CSMD2: variants seen among roughly 807,000 people sequenced by gnomAD.
CSMD2 encodes the protein CUB and Sushi multiple domains 2.
Under a neutral mutation model 398.5 loss-of-function variants are expected in CSMD2, and 130 were observed. The observed-to-expected ratio is 0.33, with a 90% CI of 0.28 to 0.38. The LOEUF (loss-of-function observed/expected upper bound fraction) is 0.38. CSMD2 is among the 10% of genes least tolerant of loss of function. The pLI is 1.00. For synonymous variants in CSMD2, 1,828 were observed against 1,908.5 expected, an observed-to-expected ratio of 0.96 and a Z score of 1.10; for missense variants, 3,829 against 4,764.9, an observed-to-expected ratio of 0.80 and a Z score of 5.78.
chr1:33,886,954 G>A (rs78843453), intron 5 of CSMD2, among the ~76,000 whole-genome samples: 8,967 of 152,050 alleles, frequency 0.059, 314 homozygotes, highest in Middle Eastern at 0.13. Flanking sequence ...ATTTTACAGA[G>A]GGGGACACTG....
chr1:33,574,862 A>C (rs1053776974), intron 49 of CSMD2, among the ~76,000 whole-genome samples: 3 of 152,210 alleles, frequency 2.0e-5, no homozygotes, highest in African/African-American at 7.2e-5. Flanking sequence ...ATATTACATC[A>C]ACTACCTGCC....
chr1:34,061,528 C>G (rs1654508398), intron 2 of CSMD2, among the ~76,000 whole-genome samples: 1 of 139,632 alleles, frequency 7.2e-6, no homozygotes, highest in Non-Finnish European at 1.5e-5. Context: ...GGCTCAACTA[C>G]CTGACTCATG....
chr1:33,716,490 T>C lies in CSMD2; in HGVS notation c.3013A>G (p.Thr1005Ala). The C allele has an allele frequency of 2.5e-6, 4 of 1,612,254 alleles. No individual in the cohort carries two copies. The highest frequency in any genetic ancestry group is 3.3e-5 in the Admixed American group (2 of 59,882). Residue 1005 changes from threonine (T) to alanine (A), a missense_variant, in exon 20 of 71, where the codon ACT becomes GCT. Thr to Ala is a moderately conservative substitution (Grantham distance 58). This residue lies in a region of CSMD2 where 2,001 missense variants were observed against 2,567.1 expected (regional missense o/e 0.78). Coordinates refer to ENST00000373381, the MANE Select transcript of CSMD2 (RefSeq NM_001281956.2). ...CTTTCCAGGTGGAAGGTGTGGAAAG[T>C]GAAGAACACACCTGCCAAGAGACCA... The part of the protein sequence containing the change: ...ETSHGKGVFF[T>A]FHTFHLESGH...
At chr1:34,026,692 A>C (rs576893865) in intron 3 of CSMD2, among the ~76,000 whole-genome samples, 1 of 152,342 alleles carries the variant, frequency 6.6e-6, no homozygotes, top group East Asian at 1.9e-4. Flanking sequence ...ATCAGTCTGG[A>C]ATAATCGGAA....
intron 1 of CSMD2, among the ~76,000 whole-genome samples, chr1:34,122,033 A>G (rs1201788113): frequency 7.1e-6 from 1 of 141,322 alleles, no homozygotes; most frequent in Non-Finnish European, 1.5e-5. Context: ...TCCACTTTTC[A>G]TCTCTCTTTC....
At chr1:33,689,556 A>T (rs564272249) in intron 25 of CSMD2, among the ~76,000 whole-genome samples, 7 of 152,214 alleles carry the variant, frequency 4.6e-5, no homozygotes, top group African/African-American at 1.7e-4. Flanking sequence ...CACCATTCTC[A>T]TCAGTGAAAA....
At chr1:33,828,348 C>T (rs958236362) in intron 6 of CSMD2, among the ~76,000 whole-genome samples, 1 of 152,206 alleles carries the variant, frequency 6.6e-6, no homozygotes, top group African/African-American at 2.4e-5. Context: ...AGCACCACAA[C>T]AACAATTTGA....
At chr1:33,890,044 T>TA (rs35927688) in intron 5 of CSMD2, among the ~76,000 whole-genome samples, 42 of 129,906 alleles carry the variant, frequency 3.2e-4, no homozygotes, top group Middle Eastern at 4.2e-3. Flanking sequence ...GCCATACCTA[T>TA]AAAAAAAAGA....
At chr1:33,575,052 T>A (rs1436881171) in intron 49 of CSMD2, among the ~76,000 whole-genome samples, 1 of 152,176 alleles carries the variant, frequency 6.6e-6, no homozygotes, top group Non-Finnish European at 1.5e-5. Flanking sequence ...CCTGAGATAC[T>A]AAAAGCCTGT....
At chr1:33,779,584 C>T (rs766003479) in intron 12 of CSMD2, among the ~76,000 whole-genome samples, 29 of 152,230 alleles carry the variant, frequency 1.9e-4, no homozygotes, top group Non-Finnish European at 4.0e-4. Context: ...CACCTGCCAT[C>T]CTCTCTTCCC....
At chr1:34,020,391 G>A (rs1218898746) in intron 3 of CSMD2, among the ~76,000 whole-genome samples, 1 of 152,224 alleles carries the variant, frequency 6.6e-6, no homozygotes, top group Admixed American at 6.5e-5. Flanking sequence ...GAAGCGGAGA[G>A]CTGGAAGGAA....
chr1:34,031,666 C>T (rs1650442158), intron 3 of CSMD2, among the ~76,000 whole-genome samples: 1 of 151,328 alleles, frequency 6.6e-6, no homozygotes, highest in African/African-American at 2.4e-5. Flanking sequence ...ATGCATTACA[C>T]CCCTGGCCAA....
intron 3 of CSMD2, among the ~76,000 whole-genome samples, chr1:33,998,395 A>G (rs1646793130): frequency 6.6e-6 from 1 of 152,222 alleles, no homozygotes; most frequent in Non-Finnish European, 1.5e-5. Context: ...ACTCTGTTAT[A>G]AACAACAGAA....
chr1:33,825,758 C>A lies in CSMD2; in HGVS notation c.1050G>T (p.Glu350Asp), dbSNP rs757861166. 2.5e-6 allele frequency: 4 copies of A among 1,614,000 alleles called. No homozygotes were observed. The highest frequency in any genetic ancestry group is 3.4e-6 in the Non-Finnish European group (4 of 1,179,962). Residue 350 changes from glutamate to aspartate, a missense_variant, in exon 7 of 71, where the codon GAG becomes GAT. Glu to Asp is a conservative substitution (Grantham distance 45, BLOSUM62 2). This residue lies in a region of CSMD2 where 2,001 missense variants were observed against 2,567.1 expected (regional missense o/e 0.78). Transcript: ENST00000373381. ...SAQYQVKKQI[E>D]LKSRGVKLMP... ...TCAGCTTCACACCTCGAGACTTCAACTCAATTTGCTTCTTGACTAGAGAGG... is the reference window on the plus strand; with the variant it reads ...TCAGCTTCACACCTCGAGACTTCAAATCAATTTGCTTCTTGACTAGAGAGG...
Position 33,707,683 on chromosome 1 carries a change from ACG to A in CSMD2, c.3576+1404_3576+1405del, listed in dbSNP as rs148089714. Among the ~76,000 whole-genome samples the A allele has an allele frequency of 5.9e-3, 426 of 72,280 alleles. 2 individuals carry two copies. Among genetic ancestry groups the A allele is most frequent in the East Asian group, 0.022 (45 of 2,044 alleles). The allele number at this position is 72,280 out of a possible 152,430, so 47.4% of individuals were successfully genotyped here. A position where few individuals can be genotyped will look rare whatever the true frequency, so the allele number is the denominator to read the frequency against. On this transcript the variant is annotated intron_variant, in intron 22 of 70. Transcript: ENST00000373381. The stretch of plus-strand genomic sequence containing the variant: ...GCATTTCAAACACGCACGCGTGCAC[ACG>A]CGCGCGCGCGCACACACACACACAC...
intron 44 of CSMD2, among the ~76,000 whole-genome samples, chr1:33,587,972 A>G (rs1413640297): frequency 6.6e-6 from 1 of 152,198 alleles, no homozygotes; most frequent in Non-Finnish European, 1.5e-5. Flanking sequence ...GTGTTCTTTA[A>G]TAAATACAAA....
At chr1:33,578,962 A>G (rs1638496633) in intron 48 of CSMD2, among the ~76,000 whole-genome samples, 1 of 152,208 alleles carries the variant, frequency 6.6e-6, no homozygotes, top group Non-Finnish European at 1.5e-5. Flanking sequence ...CTCCCTCAGG[A>G]ACAAGAATCT....
intron 24 of CSMD2, among the ~76,000 whole-genome samples, chr1:33,698,215 C>T (rs1262930680): frequency 6.6e-6 from 1 of 152,184 alleles, no homozygotes; most frequent in African/African-American, 2.4e-5. Context: ...GGAAGAATCA[C>T]AGGTTTAAGA....
chr1:33,934,251 G>T (rs1644398497), intron 4 of CSMD2, among the ~76,000 whole-genome samples: 2 of 152,174 alleles, frequency 1.3e-5, no homozygotes, highest in Admixed American at 6.5e-5. Flanking sequence ...CTGATATATG[G>T]ATGTTCAGGA....
Sources: gnomAD v4.1 joint callset for allele counts (sites outside exome capture counted in the v4.1 genomes callset) on GRCh38, gnomAD v4.1.1 for gene constraint, gnomAD v4.1.1 regional missense constraint, MANE v1.5 for transcripts, NCBI Gene and HGNC (gene_info 2026-07-23, HGNC 2026-07-21) for gene names.